The following ABCF2 variants were observed in gnomAD, a reference collection of about 807,000 sequenced individuals.
The protein encoded by ABCF2 is ATP-binding cassette sub-family F member 2.
In ABCF2, 37 loss-of-function variants were observed where a neutral mutation model predicts 76.9. The ratio of observed to expected loss-of-function variants is 0.48; its 90% CI spans 0.37 to 0.63. The LOEUF is 0.63. Ranked by LOEUF, ABCF2 falls within the 30% of genes least tolerant of loss-of-function variation. The pLI is 0.00. For missense variants in ABCF2, 524 were observed against 782.1 expected (o/e 0.67, Z 3.94); for synonymous variants, 299 against 283.7 (o/e 1.05, Z -0.54).
chr7:151,223,085 G>A (rs1406830771), intron 5 of ABCF2, among the ~76,000 whole-genome samples: 1 of 152,178 alleles, frequency 6.6e-6, no homozygotes, highest in African/African-American at 2.4e-5. Flanking sequence ...GTGAACCGGA[G>A]GCAGCTAATC....
chr7:151,218,436 C>T (rs930313848), intron 10 of ABCF2, 125 bp downstream of exon 10: 11 of 872,260 alleles, frequency 1.3e-5, no homozygotes, highest in Non-Finnish European at 2.0e-5. Context: ...CCAGCTGCCA[C>T]ACCTGAAAAT....
Position 151,213,778 on chromosome 7 carries a change from T to A in ABCF2, c.*276A>T. 8.1e-7 allele frequency: 1 copy of A among 1,236,724 alleles called. No individual in the cohort carries two copies. Among genetic ancestry groups the A allele is most frequent in the Non-Finnish European group, 1.0e-6 (1 of 987,022 alleles). 76.6% of individuals were successfully genotyped at this position (1,236,724 alleles called of 1,614,324 possible). A position where few individuals can be genotyped will look rare whatever the true frequency, so the allele number is the denominator to read the frequency against. On this transcript the variant is annotated 3_prime_UTR_variant, in exon 15 of 15. Coordinates refer to ENST00000287844, the MANE Select transcript of ABCF2 (RefSeq NM_007189.3). ...GCAGGTGCCTCTGACTGCATCACAC[T>A]CAGAGTAAGATAACCAGCAAGGGGC...
rs1802363198 is a variant in ABCF2 at position 151,225,941 on chromosome 7, C to T, written c.154+364G>A. Among the ~76,000 whole-genome samples, 2 of 152,210 alleles carry T rather than the reference C, an allele frequency of 1.3e-5. 1 individual carries two copies. Among genetic ancestry groups the T allele is most frequent in the South Asian group, 4.1e-4 (2 of 4,826 alleles). On this transcript the variant is annotated intron_variant, in intron 2 of 14. Coordinates refer to ENST00000287844, the MANE Select transcript of ABCF2 (RefSeq NM_007189.3). ...CTCTCTTGTAGGTAGAGCCACTACA[C>T]CAGTGAGAGGACAAGCTTATTGTAT...
At chr7:151,225,308 A>G (rs1356036877) in intron 2 of ABCF2, among the ~76,000 whole-genome samples, 3 of 152,222 alleles carry the variant, frequency 2.0e-5, no homozygotes, top group Non-Finnish European at 4.4e-5. Context: ...CCTATCTGTT[A>G]CAACTTGCAG....
In ABCF2 at chr7:151,220,155, G is replaced by A. The variant is rs536050871; in HGVS notation, c.922-996C>T. 3.3e-5 allele frequency among the ~76,000 whole-genome samples: 5 copies of A among 151,900 alleles called. No homozygotes were observed. The South Asian group carries it at 1.0e-3, about 32-fold the overall frequency. On this transcript the variant is annotated intron_variant, in intron 7 of 14. Coordinates refer to ENST00000287844, the MANE Select transcript of ABCF2 (RefSeq NM_007189.3). ...GCCTGTAATCCCAGCACTTTGGGAG[G>A]CCGAGGCAGGCGGATCATGAGGTCA...
intron 5 of ABCF2, 97 bp from the exon 6 acceptor site, chr7:151,222,713 C>T: frequency 1.1e-6 from 1 of 923,596 alleles, no homozygotes. Flanking sequence ...TCTGAGTAGG[C>T]TCCTGGCTTG....
At chr7:151,220,873 A>C (rs1278505887) in intron 7 of ABCF2, among the ~76,000 whole-genome samples, 1 of 152,252 alleles carries the variant, frequency 6.6e-6, no homozygotes, top group Non-Finnish European at 1.5e-5. Context: ...CTGTAGTCCC[A>C]GCTACTCAGA....
chr7:151,219,003 A>G (rs2150574060), intron 8 of ABCF2, 61 bp downstream of exon 8: 2 of 1,604,910 alleles, frequency 1.2e-6, no homozygotes, highest in Non-Finnish European at 8.5e-7. Context: ...AAATGCCCTC[A>G]TCCGAGCCCC....
chr7:151,220,014 G>A (rs150795533), intron 7 of ABCF2, among the ~76,000 whole-genome samples: 2,358 of 152,032 alleles, frequency 0.016, 41 homozygotes, highest in South Asian at 0.042. Flanking sequence ...TGGGAGGATC[G>A]CTTGAACCTG....
Position 151,215,847 on chromosome 7 carries a change from T to C in ABCF2, c.1402-115A>G, listed in dbSNP as rs932358969. The C allele has an allele frequency of 1.9e-6, 3 of 1,590,256 alleles. No individual in the cohort carries two copies. Among genetic ancestry groups the C allele is most frequent in the Non-Finnish European group, 2.6e-6 (3 of 1,164,278 alleles). Reference sequence around the variant, plus strand: ...ACCTGTTCTGGGTTCAAGAAGCAGGTAGGAGCCACCTAGGCTGGAATTCCT... The same window carrying C: ...ACCTGTTCTGGGTTCAAGAAGCAGGCAGGAGCCACCTAGGCTGGAATTCCT... On this transcript the variant is annotated intron_variant, in intron 12 of 14. Transcript: ENST00000287844. The surrounding 1 kb of genome is among the most constrained non-coding windows in gnomAD (Gnocchi z 4.6).
intron 7 of ABCF2, 109 bp from the exon 8 acceptor site, chr7:151,219,268 T>G (rs1439803706): frequency 3.4e-6 from 3 of 890,786 alleles, no homozygotes; most frequent in Non-Finnish European, 5.6e-6. Context: ...TGGCCCTGGC[T>G]CTAAGGCTGT....
intron 7 of ABCF2, 93 bp from the exon 8 acceptor site, chr7:151,219,252 C>T (rs1563612807): frequency 9.3e-7 from 1 of 1,079,874 alleles, no homozygotes; most frequent in Non-Finnish European, 1.4e-6. Context: ...AGGGATGGCA[C>T]TAACTTGGCC....
rs1428210874 is a variant in ABCF2 at position 151,212,076 on chromosome 7, G to C, written c.*1978C>G. The C allele has an allele frequency of 3.1e-6, 3 of 961,814 alleles. No individual in the cohort carries two copies. The highest frequency in any genetic ancestry group is 3.7e-6 in the Non-Finnish European group (3 of 808,650). The allele number at this position is 961,814 out of a possible 1,614,324, so 59.6% of individuals were successfully genotyped here. The stretch of plus-strand genomic sequence containing the variant: ...TAGCATCTAATTTGTGTCCTGTATG[G>C]TTCTGTCTTACTGGCTTTCCAAGAA... On this transcript the variant is annotated 3_prime_UTR_variant, in exon 15 of 15. Transcript: ENST00000287844.
chr7:151,222,697 T>A, intron 5 of ABCF2, 81 bp from the exon 6 acceptor site: 1 of 1,159,768 alleles, frequency 8.6e-7, no homozygotes. Flanking sequence ...GCCTGCTACA[T>A]GCAATTCTGA....
intron 11 of ABCF2, among the ~76,000 whole-genome samples, chr7:151,216,488 G>T (rs1802153334): frequency 6.6e-6 from 1 of 152,136 alleles, no homozygotes; most frequent in Non-Finnish European, 1.5e-5. Context: ...AGCATTTTTG[G>T]TCACAAAAAA....
chr7:151,221,558 A>G lies in ABCF2; in HGVS notation c.921+20T>C, dbSNP rs1802268478. 1 of 1,459,020 alleles carries G rather than the reference A, an allele frequency of 6.9e-7. No individual in the cohort carries two copies. 90.4% of individuals were successfully genotyped at this position (1,459,020 alleles called of 1,614,324 possible). A position where few individuals can be genotyped will look rare whatever the true frequency, so the allele number is the denominator to read the frequency against. ...ATTGGTATGCACAGAGATTACCAGA[A>G]GAAGCCGAGGCCCACTCACCGTATA... On this transcript the variant is annotated intron_variant, in intron 7 of 14. Coordinates refer to ENST00000287844, the MANE Select transcript of ABCF2 (RefSeq NM_007189.3).
chr7:151,219,031 G>A (rs781339512), intron 8 of ABCF2, 33 bp downstream of exon 8: 2 of 561,016 alleles, frequency 3.6e-6, no homozygotes, highest in Non-Finnish European at 4.9e-6. Context: ...TTTCAGACAG[G>A]AGGCCATGAG....
rs775063958 is a variant in ABCF2 at position 151,214,859 on chromosome 7, C to A, written c.1734+20G>T. ...CCCCTAGAAGCTCTGCTGTGCCTCA[C>A]CCCCTGGCCAGGGCCTCACCTGCTG... On this transcript the variant is annotated intron_variant, in intron 14 of 14. Coordinates refer to ENST00000287844, the MANE Select transcript of ABCF2 (RefSeq NM_007189.3). This position sits in a 1 kb window ranked among gnomAD's most constrained non-coding sequence, Gnocchi z 4.9. 2 of 1,613,248 alleles carry A rather than the reference C, an allele frequency of 1.2e-6. No individual in the cohort carries two copies. The highest frequency in any genetic ancestry group is 1.7e-6 in the Non-Finnish European group (2 of 1,179,182).
chr7:151,225,038 C>A, intron 2 of ABCF2, 50 bp from the exon 3 acceptor site: 4 of 1,552,706 alleles, frequency 2.6e-6, no homozygotes, highest in Non-Finnish European at 3.5e-6. Context: ...AGACTCGGCT[C>A]TCCACAAAGG....
Sources: allele counts gnomAD v4.1 joint callset (sites outside exome capture counted in the v4.1 genomes callset), GRCh38; gene constraint gnomAD v4.1.1; non-coding constraint Gnocchi (gnomAD v3.1); transcripts MANE v1.5; gene names NCBI Gene and HGNC (gene_info 2026-07-23, HGNC 2026-07-21).